The following SPMIP11 variants were observed in gnomAD, a reference collection of about 807,000 sequenced individuals.
SPMIP11 encodes the protein sperm microtubule inner protein 11.
chr12:48,744,970 T>C, the SPMIP11 span, among the ~76,000 whole-genome samples: 1 of 152,002 alleles, frequency 6.6e-6, no homozygotes, highest in Non-Finnish European at 1.5e-5. Context: ...GCAGATCAAA[T>C]TTAAAAATAT....
chr12:48,733,350 CAGG>C, the SPMIP11 span, among the ~76,000 whole-genome samples: 1 of 152,086 alleles, frequency 6.6e-6, no homozygotes, highest in Non-Finnish European at 1.5e-5. Context: ...GCTGGGGTTA[CAGG>C]TGTGAGCCAC....
At chr12:48,765,666 C>T in the SPMIP11 span, 1 of 702,800 alleles carries the variant, frequency 1.4e-6, no homozygotes, top group Non-Finnish European at 2.6e-6. Context: ...GAAGATATGG[C>T]TGCAGAAAGA....
chr12:48,754,222 A>G, the SPMIP11 span, among the ~76,000 whole-genome samples: 4 of 152,068 alleles, frequency 2.6e-5, no homozygotes, highest in Non-Finnish European at 4.4e-5. Flanking sequence ...GCAACATAGC[A>G]AGACCCTTTC....
At chr12:48,755,186 A>G in the SPMIP11 span, among the ~76,000 whole-genome samples, 1 of 152,216 alleles carries the variant, frequency 6.6e-6, no homozygotes, top group Non-Finnish European at 1.5e-5. Context: ...CATCCACTCA[A>G]GTACTTTTAT....
chr12:48,768,072 T>C, the SPMIP11 span: 1 of 177,832 alleles, frequency 5.6e-6, no homozygotes, highest in Admixed American at 5.4e-5. Flanking sequence ...GACACCTGGC[T>C]GGGGTGGGGA....
chr12:48,768,515 C>T, the SPMIP11 span: 12 of 1,606,450 alleles, frequency 7.5e-6, no homozygotes, highest in Admixed American at 1.7e-5. Flanking sequence ...CCCCCTGCCA[C>T]AGCTCCACCC....
At chr12:48,735,769 AGCTACTTGGGAGGCTGAGGCAGGAGAATT>A in the SPMIP11 span, among the ~76,000 whole-genome samples, 1 of 151,986 alleles carries the variant, frequency 6.6e-6, no homozygotes. Context: ...CTGTAATCCC[AGCTACTTGGGAGGCTGAGGCAGGAGAATT>A]GCTTGAACCC....
chr12:48,737,525 G>A, the SPMIP11 span, among the ~76,000 whole-genome samples: 9 of 149,870 alleles, frequency 6.0e-5, no homozygotes, highest in African/African-American at 1.5e-4. Context: ...AGCGATTCTC[G>A]TTACTCAGTC....
At chr12:48,752,446 T>C in the SPMIP11 span, among the ~76,000 whole-genome samples, 1 of 152,278 alleles carries the variant, frequency 6.6e-6, no homozygotes, top group East Asian at 1.9e-4. Context: ...TGTCTACCAG[T>C]TGGGAGATTC....
the SPMIP11 span, chr12:48,759,473 G>A: frequency 3.6e-5 from 21 of 583,450 alleles, no homozygotes; most frequent in South Asian, 3.6e-4. Context: ...CGGATCACAA[G>A]GTCAGGAGTT....
chr12:48,741,883 C>T, the SPMIP11 span, among the ~76,000 whole-genome samples: 1 of 152,158 alleles, frequency 6.6e-6, no homozygotes, highest in Non-Finnish European at 1.5e-5. Flanking sequence ...AAGCGATTCT[C>T]CCGCCCCAGC....
At chr12:48,761,565 T>C in the SPMIP11 span, among the ~76,000 whole-genome samples, 17 of 148,594 alleles carry the variant, frequency 1.1e-4, no homozygotes, top group African/African-American at 4.2e-4. Flanking sequence ...TGAGCTGTGA[T>C]AGTGCTACTG....
At chr12:48,747,323 A>G in the SPMIP11 span, among the ~76,000 whole-genome samples, 1 of 152,266 alleles carries the variant, frequency 6.6e-6, no homozygotes, top group Admixed American at 6.5e-5. Flanking sequence ...TCAATGAATT[A>G]ATGTTTAAGC....
the SPMIP11 span, among the ~76,000 whole-genome samples, chr12:48,749,635 CAAAAAAAAAAAAAAA>C: frequency 1.8e-5 from 1 of 56,530 alleles, no homozygotes. Context: ...AACTCGGTGT[CAAAAAAAAAAAAAAA>C]AAAAAAAAAA....
chr12:48,750,695 C>G, the SPMIP11 span, among the ~76,000 whole-genome samples: 1 of 152,158 alleles, frequency 6.6e-6, no homozygotes, highest in African/African-American at 2.4e-5. Context: ...CCTTGCTTAC[C>G]CTGGTCTTTC....
the SPMIP11 span, among the ~76,000 whole-genome samples, chr12:48,731,490 CA>C: frequency 1.8e-3 from 236 of 134,688 alleles, no homozygotes; most frequent in Middle Eastern, 4.0e-3. Context: ...GACTCCATCT[CA>C]AAAAAAAAAA....
the SPMIP11 span, among the ~76,000 whole-genome samples, chr12:48,757,804 G>C: frequency 6.6e-6 from 1 of 151,880 alleles, no homozygotes; most frequent in Non-Finnish European, 1.5e-5. Context: ...GACCAGCCTG[G>C]CCAACATGGT....
At chr12:48,729,140 G>T in the SPMIP11 span, among the ~76,000 whole-genome samples, 3 of 152,310 alleles carry the variant, frequency 2.0e-5, no homozygotes, top group African/African-American at 7.2e-5. Context: ...TGCGGCTCAC[G>T]CCTGTAATCC....
At chr12:48,731,781 C>T in the SPMIP11 span, among the ~76,000 whole-genome samples, 4,620 of 152,166 alleles carry the variant, frequency 0.03, 98 homozygotes, top group Non-Finnish European at 0.044. Context: ...TCTGCATGCA[C>T]GTCAGAGAAT....
Sources: allele counts gnomAD v4.1 joint callset (sites outside exome capture counted in the v4.1 genomes callset), GRCh38; gene constraint gnomAD v4.1.1; transcripts MANE v1.5; gene names NCBI Gene and HGNC (gene_info 2026-07-23, HGNC 2026-07-21).